Variants in CEMIP observed in about 807,000 individuals in gnomAD.
The protein encoded by CEMIP is cell migration-inducing and hyaluronan-binding protein.
CEMIP carries 105 observed loss-of-function variants against 156.9 expected under a neutral mutation model. The observed-to-expected ratio is 0.67, with a 90% CI of 0.57 to 0.79. The LOEUF is 0.79. CEMIP is among the 30% of genes least tolerant of loss of function. CEMIP has a pLI of 0.00. For synonymous variants in CEMIP, 676 were observed against 668.4 expected, an observed-to-expected ratio of 1.01 and a Z score of -0.17; for missense variants, 1,457 against 1,769.4, an observed-to-expected ratio of 0.82 and a Z score of 3.17.
intron 1 of CEMIP, among the ~76,000 whole-genome samples, chr15:80,828,542 G>A (rs371598420): frequency 3.8e-4 from 58 of 152,178 alleles, no homozygotes; most frequent in Admixed American, 7.8e-4. Context: ...ATACTAGAAG[G>A]GTTGTTCATT....
chr15:80,835,947 G>T (rs28410132), intron 1 of CEMIP, among the ~76,000 whole-genome samples: 9 of 147,996 alleles, frequency 6.1e-5, no homozygotes, highest in Admixed American at 2.7e-4. Flanking sequence ...ATTTTTAAGT[G>T]TTTTTTTTTT....
rs73501087 is a variant in CEMIP, at chr15:80,878,590, G to A, written c.95-131G>A. On this transcript the variant is annotated intron_variant, in intron 3 of 29. Coordinates refer to ENST00000394685, the MANE Select transcript of CEMIP (RefSeq NM_001293298.2). ...TCAGGAGGTCTCTCAGCTCTCTAAGGTCTTGCTTTTAGCTCTAACAGAGAG... is the reference window on the plus strand; with the variant it reads ...TCAGGAGGTCTCTCAGCTCTCTAAGATCTTGCTTTTAGCTCTAACAGAGAG... The A allele has an allele frequency of 8.9e-3, 10,361 of 1,168,966 alleles. 460 individuals carry two copies. In the African/African-American group the frequency reaches 0.12, roughly 13 times the overall value. The allele number at this position is 1,168,966 out of a possible 1,614,324, so 72.4% of individuals were successfully genotyped here.
At chr15:80,901,499 C>T (rs547545952) in intron 12 of CEMIP, among the ~76,000 whole-genome samples, 6 of 152,088 alleles carry the variant, frequency 3.9e-5, no homozygotes, top group African/African-American at 1.2e-4. Context: ...GTCAGGAGTT[C>T]GAGACCAGCC....
At chr15:80,941,516 C>T (rs1901335395) in intron 25 of CEMIP, among the ~76,000 whole-genome samples, 1 of 152,152 alleles carries the variant, frequency 6.6e-6, no homozygotes, top group African/African-American at 2.4e-5. Context: ...TCTGAGCCAC[C>T]ATTTTCCCAT....
At chr15:80,814,043 C>CTTTTTTTT (rs778309859) in intron 1 of CEMIP, among the ~76,000 whole-genome samples, 14 of 73,744 alleles carry the variant, frequency 1.9e-4, no homozygotes, top group East Asian at 4.5e-4. Flanking sequence ...AACTCTTTGG[C>CTTTTTTTT]TTTTTTTTTT....
Position 80,889,474 on chromosome 15 carries a change from T to G in CEMIP, c.968T>G (p.Val323Gly). ...VSLSSEWVQD[V>G]EWTEWFDHDK... ...GTGCTGTTTGCTTTCTGCCTAGACG[T>G]GGAGTGGACGGAGTGGTTCGATCAT... is the stretch of plus-strand genomic sequence containing the variant. The change falls in exon 10 of 30, where the codon GTG (valine) becomes GGG (glycine). Residue 323 changes from valine (V) to glycine (G), a missense_variant. By Grantham distance (109) the Val-to-Gly change is moderately radical. Transcript: ENST00000394685. 2 of 1,614,052 alleles carry G rather than the reference T, an allele frequency of 1.2e-6. No individual in the cohort carries two copies. Among genetic ancestry groups the G allele is most frequent in the Non-Finnish European group, 1.7e-6 (2 of 1,179,964 alleles).
At chr15:80,829,998 G>GTGTGTT (rs1422865357) in intron 1 of CEMIP, among the ~76,000 whole-genome samples, 2 of 149,132 alleles carry the variant, frequency 1.3e-5, no homozygotes, top group Non-Finnish European at 3.0e-5. Context: ...GTGTGTGTGT[G>GTGTGTT]TGTGCGCGCA....
At chr15:80,813,591 C>A (rs1424424871) in intron 1 of CEMIP, among the ~76,000 whole-genome samples, 3 of 152,016 alleles carry the variant, frequency 2.0e-5, no homozygotes, top group African/African-American at 7.3e-5. Context: ...GGTGATCCAC[C>A]TGCGTTGGCC....
intron 1 of CEMIP, among the ~76,000 whole-genome samples, chr15:80,784,175 G>A (rs1895868201): frequency 6.6e-6 from 1 of 152,228 alleles, no homozygotes; most frequent in South Asian, 2.1e-4. Context: ...AGTTTAAAGT[G>A]CTTTGCCCAG....
chr15:80,823,654 T>G (rs1247313997), intron 1 of CEMIP, among the ~76,000 whole-genome samples: 1 of 152,126 alleles, frequency 6.6e-6, no homozygotes. Flanking sequence ...AACTCAACCC[T>G]GATGGTGGGT....
At chr15:80,867,028 TG>T (rs1898147432) in intron 1 of CEMIP, among the ~76,000 whole-genome samples, 1 of 152,160 alleles carries the variant, frequency 6.6e-6, no homozygotes, top group African/African-American at 2.4e-5. Flanking sequence ...TCCATTTAGT[TG>T]CTCCTAATCA....
intron 10 of CEMIP, among the ~76,000 whole-genome samples, chr15:80,890,212 G>T (rs1427143713): frequency 1.3e-5 from 2 of 152,136 alleles, no homozygotes; most frequent in Non-Finnish European, 2.9e-5. Context: ...CAAAGTAAAT[G>T]AGATTTATCT....
intron 1 of CEMIP, among the ~76,000 whole-genome samples, chr15:80,825,378 A>G (rs915938548): frequency 2.0e-5 from 3 of 152,252 alleles, no homozygotes; most frequent in African/African-American, 4.8e-5. Flanking sequence ...AACACATAGT[A>G]GTGAATAGCT....
chr15:80,793,879 C>T (rs1206195316), intron 1 of CEMIP, among the ~76,000 whole-genome samples: 2 of 152,182 alleles, frequency 1.3e-5, no homozygotes, highest in Non-Finnish European at 2.9e-5. Context: ...AAAACAAACA[C>T]CACATGAAAC....
intron 1 of CEMIP, among the ~76,000 whole-genome samples, chr15:80,784,183 C>A (rs1442262288): frequency 6.6e-6 from 1 of 152,202 alleles, no homozygotes; most frequent in Non-Finnish European, 1.5e-5. Flanking sequence ...GTGCTTTGCC[C>A]AGACTTTGAA....
intron 19 of CEMIP, among the ~76,000 whole-genome samples, chr15:80,926,335 G>A (rs1335607930): frequency 6.6e-6 from 1 of 152,196 alleles, no homozygotes; most frequent in Non-Finnish European, 1.5e-5. Context: ...GCACATGCTG[G>A]ACAAGGACCA....
At chr15:80,845,226 T>G (rs1175997176) in intron 1 of CEMIP, among the ~76,000 whole-genome samples, 1 of 151,982 alleles carries the variant, frequency 6.6e-6, no homozygotes, top group Non-Finnish European at 1.5e-5. Context: ...AGCCCAAGAG[T>G]TTGAGATCAT....
intron 29 of CEMIP, 54 bp downstream of exon 29, chr15:80,947,119 C>A: frequency 3.5e-6 from 4 of 1,156,762 alleles, no homozygotes; most frequent in South Asian, 1.2e-5. Flanking sequence ...AAGGCAAATG[C>A]CTGGCATGGA....
At chr15:80,872,092 C>T (rs61177170) in intron 1 of CEMIP, among the ~76,000 whole-genome samples, 44,956 of 152,164 alleles carry the variant, frequency 0.3, 6,942 homozygotes, top group East Asian at 0.51. Flanking sequence ...GTCCCCTTGC[C>T]TGTCCCACCT....
Sources: gnomAD v4.1 joint callset for allele counts (sites outside exome capture counted in the v4.1 genomes callset) on GRCh38, gnomAD v4.1.1 for gene constraint, MANE v1.5 for transcripts, NCBI Gene and HGNC (gene_info 2026-07-23, HGNC 2026-07-21) for gene names.